SRP19: variants seen among roughly 807,000 people sequenced by gnomAD.
SRP19 encodes signal recognition particle 19 kDa protein.
A neutral mutation model predicts 22.4 loss-of-function variants in SRP19; 11 were observed. The observed-to-expected ratio is 0.49, with a 90% CI of 0.31 to 0.81. SRP19 has a LOEUF of 0.81. Ranked by LOEUF, SRP19 falls within the 40% of genes least tolerant of loss-of-function variation. SRP19 has a pLI of 0.05. For synonymous variants in SRP19, 61 were observed against 57.6 expected (o/e 1.06, Z -0.27); for missense variants, 168 against 175.9 (o/e 0.96, Z 0.25).
downstream of SRP19, among the ~76,000 whole-genome samples, chr5:112,873,529 T>G (rs1285776956): frequency 6.6e-6 from 1 of 151,756 alleles, no homozygotes; most frequent in Non-Finnish European, 1.5e-5. Context: ...GTATTTTTAG[T>G]AGAGACGGGG....
chr5:112,880,665 T>C (rs1055641216), intron 4 of SRP19, among the ~76,000 whole-genome samples: 3 of 152,244 alleles, frequency 2.0e-5, no homozygotes, highest in South Asian at 2.1e-4. Context: ...TTTAATTCTC[T>C]TGCCCCTATT....
intron 4 of SRP19, among the ~76,000 whole-genome samples, chr5:112,866,359 G>T (rs1199777258): frequency 6.6e-6 from 1 of 151,890 alleles, no homozygotes. Context: ...CAGGTGATCC[G>T]CCCACCTTGG....
chr5:112,868,712 T>C lies in SRP19; in HGVS notation c.*1175T>C, dbSNP rs1767687268. 6.6e-6 allele frequency: 1 copy of C among 152,264 alleles called. No homozygotes were observed. Among genetic ancestry groups the C allele is most frequent in the African/African-American group, 2.4e-5 (1 of 41,458 alleles). The allele number at this position is 152,264 out of a possible 1,614,324, so 9.4% of individuals were successfully genotyped here. A position where few individuals can be genotyped will look rare whatever the true frequency, so the allele number is the denominator to read the frequency against. ...ACCGTGCCCGGCCTTCTTTACATTT[T>C]TATTGCTCACAGTCAAACATTCCTA... On this transcript the variant is annotated 3_prime_UTR_variant, in exon 5 of 5. Coordinates refer to ENST00000505459, the MANE Select transcript of SRP19 (RefSeq NM_003135.3).
chr5:112,866,583 G>C (rs1767613789), intron 4 of SRP19, among the ~76,000 whole-genome samples: 1 of 152,168 alleles, frequency 6.6e-6, no homozygotes, highest in Non-Finnish European at 1.5e-5. Flanking sequence ...TCCTGCCTCA[G>C]CCTCCCAAAG....
rs768202015 is a variant in SRP19, at chr5:112,864,439, A to T, written c.118-18A>T. 1.2e-6 allele frequency: 2 copies of T among 1,607,604 alleles called. No homozygotes were observed. The highest frequency in any genetic ancestry group is 1.3e-5 in the African/African-American group (1 of 74,772). On this transcript the variant is annotated intron_variant, in intron 2 of 4. Transcript: ENST00000505459. ...CTTAAAGCACATATATTTAGTGTTTATGTTTTTAACTGTTCAGGCTGTTGA... is the reference window on the plus strand; with the variant it reads ...CTTAAAGCACATATATTTAGTGTTTTTGTTTTTAACTGTTCAGGCTGTTGA...
At chr5:112,885,337 CA>C (rs1768210335) in intron 4 of SRP19, 3 of 177,598 alleles carry the variant, frequency 1.7e-5, no homozygotes, top group Non-Finnish European at 2.4e-5. Flanking sequence ...AGAACAGAAC[CA>C]AAAACTTTTG....
chr5:112,876,096 CTTCT>C (rs1270162788), intron 4 of SRP19, among the ~76,000 whole-genome samples: 10 of 151,414 alleles, frequency 6.6e-5, no homozygotes, highest in Non-Finnish European at 1.3e-4. Context: ...TCATAGGAGA[CTTCT>C]TTGTGTGTAA....
At chr5:112,862,712 C>A in intron 2 of SRP19, 129 bp downstream of exon 2, 2 of 786,618 alleles carry the variant, frequency 2.5e-6, no homozygotes, top group Non-Finnish European at 4.1e-6. Flanking sequence ...AGAACACAGC[C>A]AAGAATTGGG....
At chr5:112,891,745 C>T (rs768826840) in exon 5 of SRP19, 19 of 1,613,938 alleles carry the variant, frequency 1.2e-5, no homozygotes, top group African/African-American at 5.3e-5. Flanking sequence ...ACGAAAGAAA[C>T]GTCGGCAGGA....
At chr5:112,863,670 TTTG>T in intron 2 of SRP19, among the ~76,000 whole-genome samples, 1 of 152,274 alleles carries the variant, frequency 6.6e-6, no homozygotes, top group South Asian at 2.1e-4. Flanking sequence ...TTCTTTTTTG[TTTG>T]TTTTTTTAAG....
intron 4 of SRP19, among the ~76,000 whole-genome samples, chr5:112,888,513 C>A (rs1768331151): frequency 6.6e-6 from 1 of 152,154 alleles, no homozygotes; most frequent in East Asian, 1.9e-4. Context: ...GCCTTGAACT[C>A]CTGGGTTCAA....
chr5:112,879,395 T>TGTGA (rs1329695257), intron 4 of SRP19, among the ~76,000 whole-genome samples: 1 of 152,144 alleles, frequency 6.6e-6, no homozygotes, highest in Non-Finnish European at 1.5e-5. Flanking sequence ...TACCAAAATC[T>TGTGA]GTGAGTGCTC....
downstream of SRP19, among the ~76,000 whole-genome samples, chr5:112,872,294 A>G (rs1450311149): frequency 2.9e-5 from 4 of 138,908 alleles, no homozygotes; most frequent in African/African-American, 7.8e-5. Context: ...CAGAATTCAG[A>G]TGTGTTTAAT....
chr5:112,874,962 GAC>G (rs1767861906), intron 4 of SRP19, among the ~76,000 whole-genome samples: 1 of 152,054 alleles, frequency 6.6e-6, no homozygotes, highest in Non-Finnish European at 1.5e-5. Flanking sequence ...ATTTAGGAGA[GAC>G]AGGGTTTCAC....
downstream of SRP19, chr5:112,896,976 G>C (rs986973759): frequency 1.3e-5 from 2 of 152,148 alleles, no homozygotes; most frequent in Non-Finnish European, 2.9e-5. Context: ...AAGGTAAACA[G>C]AGGATACAAA....
intron 1 of SRP19, 71 bp from the exon 2 acceptor site, chr5:112,862,437 C>T: frequency 1.4e-6 from 2 of 1,392,340 alleles, no homozygotes; most frequent in Non-Finnish European, 2.0e-6. Flanking sequence ...CCTTTGGTTC[C>T]CTGCCACCCG....
At chr5:112,873,271 CTTTTTTTTTTT>C (rs35379154), downstream of SRP19, among the ~76,000 whole-genome samples, 1 of 50,720 alleles carries the variant, frequency 2.0e-5, no homozygotes, top group South Asian at 8.7e-4. Flanking sequence ...CTCAGGTTTT[CTTTTTTTTTTT>C]TTTTTTTTTC....
chr5:112,892,989 C>G (rs574623663), exon 5 of SRP19: 10 of 1,581,994 alleles, frequency 6.3e-6, no homozygotes, highest in Non-Finnish European at 8.6e-6. Flanking sequence ...GCCACCGCAG[C>G]CGGAGCCAAA....
chr5:112,888,692 G>T (rs455412), intron 4 of SRP19, among the ~76,000 whole-genome samples: 65,248 of 150,422 alleles, frequency 0.43, 16,789 homozygotes, highest in African/African-American at 0.68. Context: ...TAACCTTTGT[G>T]AATTAAAATT....
Sources: gnomAD v4.1 joint callset for allele counts (sites outside exome capture counted in the v4.1 genomes callset) on GRCh38, gnomAD v4.1.1 for gene constraint, MANE v1.5 for transcripts, NCBI Gene and HGNC (gene_info 2026-07-23, HGNC 2026-07-21) for gene names.